MCU: variants seen among roughly 807,000 people sequenced by gnomAD.
MCU encodes the protein calcium uniporter protein, mitochondrial.
MCU carries 12 observed loss-of-function variants against 45.2 expected under a neutral mutation model. The observed-to-expected ratio is 0.27, with a 90% CI of 0.17 to 0.43. The LOEUF (loss-of-function observed/expected upper bound fraction) is 0.43, where lower values mean the gene tolerates loss of function less well. Among genes scored for constraint, MCU ranks in the 20% least tolerant of loss-of-function variants. MCU has a pLI of 1.00. For missense variants in MCU, 324 were observed against 436.7 expected, an observed-to-expected ratio of 0.74 and a Z score of 2.30; for synonymous variants, 160 against 165.1, an observed-to-expected ratio of 0.97 and a Z score of 0.24.
intron 2 of MCU, among the ~76,000 whole-genome samples, chr10:72,845,836 A>G (rs910227256): frequency 2.0e-5 from 3 of 152,092 alleles, no homozygotes; most frequent in Non-Finnish European, 2.9e-5. Context: ...TAGGAGTTTA[A>G]GTGAATATTT....
rs562832423 is a variant in MCU at position 72,796,604 on chromosome 10, C to G, written c.151-37755C>G. Among the ~76,000 whole-genome samples the G allele has an allele frequency of 2.0e-5, 3 of 152,208 alleles. No individual in the cohort carries two copies. The East Asian group carries it at 5.8e-4, about 29-fold the overall frequency. ...ACATAGCACACTGCAACCTCATCCT[C>G]CTAGGTTCAGGTGATCCTCCTGCCT... On this transcript the variant is annotated intron_variant, in intron 1 of 7. Transcript: ENST00000373053.
Position 72,861,981 on chromosome 10 carries a change from C to CTT in MCU, c.496+1471_496+1472dup, listed in dbSNP as rs1252900155. Reference sequence around the variant, plus strand: ...TCTAAAATAGCGTTTTGAGTTGTGTCTTTTTTTTTTTTTTTTTTGAGACTG... The same window carrying CTT: ...TCTAAAATAGCGTTTTGAGTTGTGTCTTTTTTTTTTTTTTTTTTTTGAGACTG... On this transcript the variant is annotated intron_variant, in intron 4 of 7. Transcript: ENST00000373053. Among the ~76,000 whole-genome samples the CTT allele has an allele frequency of 8.3e-4, 109 of 131,844 alleles. 2 individuals are homozygous for CTT. The East Asian group carries it at 0.02, about 25-fold the overall frequency. 86.5% of individuals were successfully genotyped at this position (131,844 alleles called of 152,430 possible).
chr10:72,881,672 G>T (rs1235850703), intron 6 of MCU, among the ~76,000 whole-genome samples: 1 of 152,164 alleles, frequency 6.6e-6, no homozygotes, highest in Non-Finnish European at 1.5e-5. Context: ...AAATCAGTAA[G>T]AAAGTGACAG....
chr10:72,849,422 G>C lies in MCU; in HGVS notation c.221-9755G>C, dbSNP rs541708386. Reference sequence around the variant, plus strand: ...TAAAATAATGGTGGTGTTATTGGTTGAGATTATGGGTGGTTAGGGAAGATG... The same window carrying C: ...TAAAATAATGGTGGTGTTATTGGTTCAGATTATGGGTGGTTAGGGAAGATG... On this transcript the variant is annotated intron_variant, in intron 2 of 7. Coordinates refer to ENST00000373053, the MANE Select transcript of MCU (RefSeq NM_138357.3). 9.2e-5 allele frequency among the ~76,000 whole-genome samples: 14 copies of C among 152,294 alleles called. No homozygotes were observed. In the South Asian group the frequency reaches 2.9e-3, roughly 32 times the overall value.
intron 2 of MCU, among the ~76,000 whole-genome samples, chr10:72,857,489 C>T (rs902447866): frequency 4.6e-5 from 7 of 152,096 alleles, no homozygotes; most frequent in South Asian, 4.1e-4. Flanking sequence ...CTGCCCACCT[C>T]GGCCTCCCAA....
chr10:72,887,515 C>T lies in MCU; in HGVS notation c.*1693C>T, dbSNP rs1053793857. The T allele has an allele frequency of 1.3e-5, 2 of 152,690 alleles. No individual in the cohort carries two copies. The highest frequency in any genetic ancestry group is 4.8e-5 in the African/African-American group (2 of 41,422). The allele number at this position is 152,690 out of a possible 1,614,324, so 9.5% of individuals were successfully genotyped here. On this transcript the variant is annotated 3_prime_UTR_variant, in exon 8 of 8. Transcript: ENST00000373053. ...GCATAGGGTTTTTAAGAAGAAACAG[C>T]ACAGTGCAACGAGCAAATCTTTTTG...
At chr10:72,739,029 A>G (rs1843288544) in intron 1 of MCU, among the ~76,000 whole-genome samples, 1 of 152,322 alleles carries the variant, frequency 6.6e-6, no homozygotes, top group Non-Finnish European at 1.5e-5. Flanking sequence ...TATGTATGGG[A>G]AGACACATAA....
chr10:72,706,050 T>C (rs1377566371), intron 1 of MCU, among the ~76,000 whole-genome samples: 1 of 152,192 alleles, frequency 6.6e-6, no homozygotes, highest in Admixed American at 6.6e-5. Context: ...GTGCTATAAC[T>C]GAATTTTATG....
chr10:72,704,910 A>G (rs1202995050), intron 1 of MCU, among the ~76,000 whole-genome samples: 1 of 151,794 alleles, frequency 6.6e-6, no homozygotes, highest in Non-Finnish European at 1.5e-5. Context: ...TAGTGGAGAT[A>G]GGGTTTCACC....
At chr10:72,697,556 C>G (rs759402388) in intron 1 of MCU, among the ~76,000 whole-genome samples, 8 of 151,332 alleles carry the variant, frequency 5.3e-5, no homozygotes, top group Non-Finnish European at 1.5e-5. Flanking sequence ...GCCTCAGCCT[C>G]CCAAGTAGCT....
At chr10:72,743,361 C>T (rs983776504) in intron 1 of MCU, among the ~76,000 whole-genome samples, 1 of 130,042 alleles carries the variant, frequency 7.7e-6, no homozygotes, top group Non-Finnish European at 1.5e-5. Context: ...TGCAGTGAGC[C>T]GATATTGTGC....
chr10:72,811,535 T>C (rs1415125163), intron 1 of MCU, among the ~76,000 whole-genome samples: 1 of 152,216 alleles, frequency 6.6e-6, no homozygotes, highest in Non-Finnish European at 1.5e-5. Context: ...TTTTCTTTTC[T>C]TAACTAAGCA....
At chr10:72,865,312 A>G (rs1229956188) in intron 4 of MCU, among the ~76,000 whole-genome samples, 1 of 152,184 alleles carries the variant, frequency 6.6e-6, no homozygotes, top group Non-Finnish European at 1.5e-5. Flanking sequence ...AAAGCTTGCA[A>G]GGGTCAAAAA....
intron 2 of MCU, among the ~76,000 whole-genome samples, chr10:72,842,153 C>T (rs1006067295): frequency 6.6e-6 from 1 of 152,158 alleles, no homozygotes; most frequent in African/African-American, 2.4e-5. Context: ...TGGCGCACAC[C>T]TGTAGTCCTA....
intron 1 of MCU, among the ~76,000 whole-genome samples, chr10:72,723,194 T>C (rs543674559): frequency 2.0e-5 from 3 of 152,266 alleles, no homozygotes; most frequent in Admixed American, 2.0e-4. Context: ...AGATTCTGTC[T>C]TAAAAAAAAG....
chr10:72,848,119 G>C (rs953846370), intron 2 of MCU, among the ~76,000 whole-genome samples: 1 of 152,144 alleles, frequency 6.6e-6, no homozygotes, highest in African/African-American at 2.4e-5. Context: ...CCTGACTTCT[G>C]ATGGTTCAAC....
chr10:72,741,098 CT>C (rs11310286), intron 1 of MCU, among the ~76,000 whole-genome samples: 59,718 of 124,248 alleles, frequency 0.48, 12,192 homozygotes, highest in Non-Finnish European at 0.57. Flanking sequence ...TTTTCTTTTT[CT>C]TTTTTTTTTT....
chr10:72,769,198 T>G (rs2132733848), intron 1 of MCU, among the ~76,000 whole-genome samples: 1 of 152,272 alleles, frequency 6.6e-6, no homozygotes, highest in South Asian at 2.1e-4. Flanking sequence ...CAGTGGAATG[T>G]CTGAGCAACA....
intron 1 of MCU, among the ~76,000 whole-genome samples, chr10:72,763,080 T>G (rs540098385): frequency 2.7e-4 from 41 of 152,260 alleles, no homozygotes; most frequent in Admixed American, 4.6e-4. Context: ...ATCTCTCTGG[T>G]TCTCTGGAGC....
Sources: gnomAD v4.1 joint callset for allele counts (sites outside exome capture counted in the v4.1 genomes callset) on GRCh38, gnomAD v4.1.1 for gene constraint, MANE v1.5 for transcripts, NCBI Gene and HGNC (gene_info 2026-07-23, HGNC 2026-07-21) for gene names.